The following CD302 variants were observed in gnomAD, a reference collection of about 807,000 sequenced individuals.
CD302 encodes CD302 antigen.
A neutral mutation model predicts 26.5 loss-of-function variants in CD302; 23 were observed. The observed-to-expected ratio is 0.87, with a 90% confidence interval of 0.62 to 1.23. CD302 has a LOEUF of 1.23. CD302 is among the 50% of genes most tolerant of loss of function. The probability of loss-of-function intolerance (pLI) is 0.00; values close to 1 mark genes in which losing one functional copy is unlikely to be tolerated. For missense variants in CD302, 290 were observed against 275.5 expected (o/e 1.05, Z -0.37); for synonymous variants, 90 against 99.4 (o/e 0.91, Z 0.56).
chr2:159,777,468 T>A (rs148602043), intron 5 of CD302, among the ~76,000 whole-genome samples: 1 of 152,332 alleles, frequency 6.6e-6, no homozygotes, highest in East Asian at 1.9e-4. Context: ...TTCTAATAAA[T>A]CTAAATATAT....
intron 5 of CD302, among the ~76,000 whole-genome samples, chr2:159,772,986 G>C (rs561599904): frequency 5.3e-4 from 81 of 152,226 alleles, no homozygotes; most frequent in African/African-American, 1.8e-3. Flanking sequence ...GATTTGGTAA[G>C]GTGTGAGGGT....
In CD302 at chr2:159,771,819, T is replaced by G. The variant is rs1310459758; in HGVS notation, c.*32A>C. The G allele has an allele frequency of 6.2e-7, 1 of 1,607,468 alleles. No homozygotes were observed. Among genetic ancestry groups the G allele is most frequent in the Non-Finnish European group, 8.5e-7 (1 of 1,175,076 alleles). On this transcript the variant is annotated 3_prime_UTR_variant, in exon 6 of 6. Coordinates refer to ENST00000259053, the MANE Select transcript of CD302 (RefSeq NM_014880.5). ...CCAAGTTATCTCTGCCAGGGCATTTTGTTGATGTCTTAGTGCAAGATTACC... is the reference window on the plus strand; with the variant it reads ...CCAAGTTATCTCTGCCAGGGCATTTGGTTGATGTCTTAGTGCAAGATTACC...
chr2:159,778,625 T>C (rs1254108334), intron 4 of CD302, among the ~76,000 whole-genome samples: 3 of 152,188 alleles, frequency 2.0e-5, no homozygotes, highest in Non-Finnish European at 4.4e-5. Context: ...GGGAAAATAC[T>C]GAGGATGCAA....
intron 1 of CD302, among the ~76,000 whole-genome samples, chr2:159,788,189 T>C (rs1708718564): frequency 7.5e-6 from 1 of 133,004 alleles, no homozygotes; most frequent in Non-Finnish European, 1.6e-5. Flanking sequence ...AATTGTAGAA[T>C]GGCAGCTTAT....
At chr2:159,780,506 T>C (rs1708474832) in intron 3 of CD302, among the ~76,000 whole-genome samples, 1 of 152,260 alleles carries the variant, frequency 6.6e-6, no homozygotes, top group Admixed American at 6.5e-5. Context: ...ATATGTACTT[T>C]TATATTTGTA....
intron 5 of CD302, among the ~76,000 whole-genome samples, chr2:159,776,301 G>C (rs1052609942): frequency 1.3e-5 from 2 of 152,056 alleles, no homozygotes; most frequent in African/African-American, 2.4e-5. Flanking sequence ...GTGGACACTT[G>C]GGTTGCTTCC....
intron 1 of CD302, among the ~76,000 whole-genome samples, chr2:159,787,516 A>G (rs974535755): frequency 1.3e-5 from 2 of 152,058 alleles, no homozygotes; most frequent in Admixed American, 6.6e-5. Context: ...GAAAATTATA[A>G]TATGTGACCT....
In CD302 at chr2:159,771,262, A is replaced by G. The variant is rs949664687; in HGVS notation, c.*589T>C. On this transcript the variant is annotated 3_prime_UTR_variant, in exon 6 of 6. Transcript: ENST00000259053. ...ACACAGCGATCATATTTTGTTTCAAATAATTTATAAACATTCATTAAAACT... is the reference window on the plus strand; with the variant it reads ...ACACAGCGATCATATTTTGTTTCAAGTAATTTATAAACATTCATTAAAACT... 3 of 152,802 alleles carry G rather than the reference A, an allele frequency of 2.0e-5. No homozygotes were observed. Among genetic ancestry groups the G allele is most frequent in the African/African-American group, 7.2e-5 (3 of 41,450 alleles). The allele number at this position is 152,802 out of a possible 1,614,324, so 9.5% of individuals were successfully genotyped here.
At chr2:159,779,978 T>C in intron 4 of CD302, 27 bp downstream of exon 4, 1 of 1,595,640 alleles carries the variant, frequency 6.3e-7, no homozygotes, top group Non-Finnish European at 8.5e-7. Flanking sequence ...CCTTCTAGAA[T>C]GGAAAAACAC....
intron 1 of CD302, among the ~76,000 whole-genome samples, chr2:159,795,347 C>T (rs1250584966): frequency 6.6e-6 from 1 of 152,110 alleles, no homozygotes; most frequent in African/African-American, 2.4e-5. Flanking sequence ...TTGCAATCCA[C>T]TTATCCTACC....
intron 5 of CD302, among the ~76,000 whole-genome samples, chr2:159,774,880 G>A (rs1708263947): frequency 6.6e-6 from 1 of 152,168 alleles, no homozygotes; most frequent in African/African-American, 2.4e-5. Context: ...TAACTGTTGG[G>A]TTGTTTCCTT....
intron 1 of CD302, among the ~76,000 whole-genome samples, chr2:159,786,026 C>T (rs1708655401): frequency 6.6e-6 from 1 of 152,274 alleles, no homozygotes; most frequent in East Asian, 1.9e-4. Flanking sequence ...TACTGCAAAC[C>T]TGCACAGCAC....
At chr2:159,787,190 C>G (rs762775884) in intron 1 of CD302, among the ~76,000 whole-genome samples, 1 of 152,078 alleles carries the variant, frequency 6.6e-6, no homozygotes, top group Non-Finnish European at 1.5e-5. Context: ...ATGCATGTGC[C>G]CAGCTTTCAC....
rs189086687 is a variant in CD302, at chr2:159,780,265, A to G, written c.296-87T>C. On this transcript the variant is annotated intron_variant, in intron 3 of 5. Coordinates refer to ENST00000259053, the MANE Select transcript of CD302 (RefSeq NM_014880.5). ...GGTGTAGGATTAAAGGTGGAAAGTT[A>G]CTAAGGTATGTCTGGTCTAAACTTC... is the stretch of plus-strand genomic sequence containing the variant. 31 of 1,435,048 alleles carry G rather than the reference A, an allele frequency of 2.2e-5. No homozygotes were observed. In the African/African-American group the frequency reaches 3.5e-4, roughly 16 times the overall value. The allele number at this position is 1,435,048 out of a possible 1,614,324, so 88.9% of individuals were successfully genotyped here.
chr2:159,785,527 A>G (rs1371975539), intron 1 of CD302, among the ~76,000 whole-genome samples: 1 of 152,238 alleles, frequency 6.6e-6, no homozygotes, highest in East Asian at 1.9e-4. Context: ...GAACAGAGTC[A>G]GGAATTGGAG....
chr2:159,772,149 T>C (rs1478108644), intron 5 of CD302, 96 bp from the exon 6 acceptor site: 2 of 1,381,348 alleles, frequency 1.4e-6, no homozygotes, highest in Non-Finnish European at 2.0e-6. Flanking sequence ...TGTAAACATT[T>C]CTCTGTGTTG....
At chr2:159,772,637 G>A (rs940494309) in intron 5 of CD302, among the ~76,000 whole-genome samples, 3 of 152,132 alleles carry the variant, frequency 2.0e-5, no homozygotes, top group Non-Finnish European at 4.4e-5. Context: ...TTAATAAATT[G>A]AGGAAAATAA....
intron 5 of CD302, among the ~76,000 whole-genome samples, chr2:159,774,401 G>A (rs969819787): frequency 6.6e-5 from 10 of 152,138 alleles, no homozygotes; most frequent in African/African-American, 2.4e-4. Context: ...CTATCTGACT[G>A]CTACCTTAAC....
At chr2:159,782,047 G>C (rs1708528676) in intron 2 of CD302, among the ~76,000 whole-genome samples, 1 of 151,348 alleles carries the variant, frequency 6.6e-6, no homozygotes, top group South Asian at 2.1e-4. Context: ...CAGGTGGATT[G>C]CCTGACCTCA....
Sources: gnomAD v4.1 joint callset for allele counts (sites outside exome capture counted in the v4.1 genomes callset) on GRCh38, gnomAD v4.1.1 for gene constraint, MANE v1.5 for transcripts, NCBI Gene and HGNC (gene_info 2026-07-23, HGNC 2026-07-21) for gene names.